The following RBM34 variants were observed in gnomAD, a reference collection of about 807,000 sequenced individuals.
The protein encoded by RBM34 is RNA-binding protein 34.
A neutral mutation model predicts 44.6 loss-of-function variants in RBM34; 39 were observed. That is an observed-to-expected ratio of 0.87 (90% CI 0.68 to 1.14). The LOEUF (loss-of-function observed/expected upper bound fraction) is 1.14, where lower values mean the gene tolerates loss of function less well. Ranked by LOEUF, RBM34 falls within the 50% of genes most tolerant of loss-of-function variation. The pLI, the probability that RBM34 is intolerant of heterozygous loss-of-function variation, is 0.00. For missense variants in RBM34, 572 were observed against 517.9 expected (o/e 1.10, Z -1.01); for synonymous variants, 194 against 184.0 (o/e 1.05, Z -0.44).
intron 3 of RBM34, among the ~76,000 whole-genome samples, chr1:235,155,536 GCT>G (rs1341168412): frequency 7.8e-6 from 1 of 127,398 alleles, no homozygotes; most frequent in African/African-American, 2.9e-5. Context: ...ACGGAGTTTT[GCT>G]CTGTCACCCA....
Position 235,161,242 on chromosome 1 carries a change from T to C in RBM34, c.-16A>G. 6.2e-7 allele frequency: 1 copy of C among 1,613,458 alleles called. No individual in the cohort carries two copies. On this transcript the variant is annotated 5_prime_UTR_variant, in exon 1 of 11. Coordinates refer to ENST00000408888, the MANE Select transcript of RBM34 (RefSeq NM_015014.4). The stretch of plus-strand genomic sequence containing the variant: ...CCAAGGCCATTCTTACTCCAAAGAC[T>C]CCCAGACTGCAGCTGCGCGCCAGCT...
In RBM34 at chr1:235,135,698, T is replaced by C. The variant is rs1418348187; in HGVS notation, c.962A>G (p.Asp321Gly). The C allele has an allele frequency of 6.2e-7, 1 of 1,614,222 alleles. No individual in the cohort carries two copies. Among genetic ancestry groups the C allele is most frequent in the Admixed American group, 1.7e-5 (1 of 60,026 alleles). Residue 321 changes from aspartate to glycine, a missense_variant, in exon 10 of 11, where the codon GAC becomes GGC. Asp to Gly is a moderately conservative substitution (Grantham distance 94). Transcript: ENST00000408888. ...GSIMAVRIVR[D>G]KMTGIGKGFG... ...CCCTTTGCCGATGCCTGTCATTTTG[T>C]CTCTCACAATCCTCACGGCCATGAT...
At chr1:235,155,834 T>TAC (rs1315481609) in intron 3 of RBM34, among the ~76,000 whole-genome samples, 9 of 21,030 alleles carry the variant, frequency 4.3e-4, no homozygotes, top group African/African-American at 1.1e-3. Context: ...TATATATATA[T>TAC]ATATATATAT....
intron 6 of RBM34, among the ~76,000 whole-genome samples, chr1:235,139,906 C>G (rs1047165493): frequency 1.3e-5 from 2 of 152,224 alleles, no homozygotes; most frequent in African/African-American, 4.8e-5. Context: ...CACTAAAACA[C>G]TAGAGCTCAG....
chr1:235,159,764 G>A (rs1031695931), intron 3 of RBM34, among the ~76,000 whole-genome samples: 2 of 150,620 alleles, frequency 1.3e-5, no homozygotes, highest in African/African-American at 2.4e-5. Context: ...CTCCACGGGA[G>A]GCCTGAGGCA....
chr1:235,160,880 C>A lies in RBM34; in HGVS notation c.228+13G>T. The A allele has an allele frequency of 6.2e-7, 1 of 1,612,654 alleles. No homozygotes were observed. Among genetic ancestry groups the A allele is most frequent in the Non-Finnish European group, 8.5e-7 (1 of 1,179,170 alleles). On this transcript the variant is annotated intron_variant, in intron 2 of 10. Transcript: ENST00000408888. ...TCTAACGAGCTATTCGGGAAGAAAG[C>A]CCAGTGACTTACTTTAGGCACAGGC... is the stretch of plus-strand genomic sequence containing the variant.
intron 6 of RBM34, among the ~76,000 whole-genome samples, chr1:235,140,319 CGCTTGCGG>C (rs763850939): frequency 2.4e-4 from 36 of 152,300 alleles, no homozygotes; most frequent in Admixed American, 4.6e-4. Flanking sequence ...GGCTGCGCGG[CGCTTGCGG>C]GCCAGCTGGA....
chr1:235,151,020 C>T (rs761395548), intron 5 of RBM34, among the ~76,000 whole-genome samples: 12 of 152,200 alleles, frequency 7.9e-5, no homozygotes, highest in African/African-American at 1.9e-4. Flanking sequence ...TTCAGGAAGA[C>T]TGAGTTCACA....
intron 2 of RBM34, 96 bp from the exon 3 acceptor site, chr1:235,160,743 T>C: frequency 6.6e-7 from 1 of 1,518,908 alleles, no homozygotes; most frequent in Non-Finnish European, 8.9e-7. Flanking sequence ...ATCTCTTCTC[T>C]CTCACTGGTA....
chr1:235,148,572 A>C, intron 5 of RBM34, 125 bp from the exon 6 acceptor site: 1 of 650,310 alleles, frequency 1.5e-6, no homozygotes. Context: ...AGGGAAATAA[A>C]CAAATCAGAA....
At chr1:235,137,438 G>A (rs1359439191) in intron 8 of RBM34, among the ~76,000 whole-genome samples, 1 of 152,098 alleles carries the variant, frequency 6.6e-6, no homozygotes, top group Admixed American at 6.6e-5. Context: ...GCAGTGGCAC[G>A]ACTACAGCTC....
intron 6 of RBM34, among the ~76,000 whole-genome samples, chr1:235,139,617 T>C (rs1661588785): frequency 6.6e-6 from 1 of 152,170 alleles, no homozygotes; most frequent in South Asian, 2.1e-4. Context: ...GAACAAATGC[T>C]GGAGTTCCGC....
chr1:235,142,196 G>C (rs1258872310), intron 6 of RBM34, among the ~76,000 whole-genome samples: 3 of 152,166 alleles, frequency 2.0e-5, no homozygotes, highest in African/African-American at 7.2e-5. Context: ...GTGCACTCCT[G>C]AGACACGGAA....
chr1:235,150,223 C>T (rs747163663), intron 5 of RBM34, among the ~76,000 whole-genome samples: 3 of 152,130 alleles, frequency 2.0e-5, no homozygotes, highest in Non-Finnish European at 4.4e-5. Flanking sequence ...TACAGGCCCC[C>T]GCCACCATGC....
At chr1:235,151,292 T>C (rs1447594687) in intron 5 of RBM34, among the ~76,000 whole-genome samples, 1 of 151,982 alleles carries the variant, frequency 6.6e-6, no homozygotes, top group Non-Finnish European at 1.5e-5. Flanking sequence ...GTAGGCAGCA[T>C]AGGGTTGGGG....
rs920793612 is a variant in RBM34 at position 235,148,830 on chromosome 1, C to T, written c.658-383G>A. On this transcript the variant is annotated intron_variant, in intron 5 of 10. Transcript: ENST00000408888. ...AGCCAGGATGGTCTCGATCTCCTGA[C>T]CTCGTGATCCGCCCACCTTGGCCTC... 8.6e-5 allele frequency among the ~76,000 whole-genome samples: 13 copies of T among 152,004 alleles called. No individual in the cohort carries two copies. In the East Asian group the frequency reaches 2.2e-3, roughly 25 times the overall value.
At chr1:235,160,691 G>C in intron 2 of RBM34, 44 bp from the exon 3 acceptor site, 1 of 1,591,252 alleles carries the variant, frequency 6.3e-7, no homozygotes, top group South Asian at 1.1e-5. Flanking sequence ...CATACTTCTA[G>C]AATTCTGACC....
At chr1:235,155,822 CATATATATATAT>C (rs1172462826) in intron 3 of RBM34, among the ~76,000 whole-genome samples, 919 of 64,112 alleles carry the variant, frequency 0.014, 22 homozygotes, top group African/African-American at 0.051. Flanking sequence ...CATACATATA[CATATATATATAT>C]ATATATATAT....
chr1:235,161,108 C>T, intron 1 of RBM34, 41 bp from the exon 2 acceptor site: 1 of 1,606,592 alleles, frequency 6.2e-7, no homozygotes, highest in Non-Finnish European at 8.5e-7. Context: ...CCACGCACCA[C>T]CGCTTCGCCA....
Sources: allele counts gnomAD v4.1 joint callset (sites outside exome capture counted in the v4.1 genomes callset), GRCh38; gene constraint gnomAD v4.1.1; transcripts MANE v1.5; gene names NCBI Gene and HGNC (gene_info 2026-07-23, HGNC 2026-07-21).